Variants in AR observed in about 807,000 individuals in gnomAD.
AR encodes dihydrotestosterone receptor.
In AR, 8 loss-of-function variants were observed where a neutral mutation model predicts 53.9. The observed-to-expected ratio is 0.15, with a 90% CI of 0.09 to 0.27. The LOEUF (loss-of-function observed/expected upper bound fraction) is 0.27. AR is among the 10% of genes least tolerant of loss of function. AR has a pLI of 1.00. For synonymous variants in AR, 359 were observed against 316.4 expected (o/e 1.13, Z -1.43); for missense variants, 639 against 742.5 (o/e 0.86, Z 1.62).
In AR at chrX:67,711,652, G is replaced by A. The variant is rs1329380387; in HGVS notation, c.2136G>A (p.Gln712=). The part of the protein sequence containing the change: ...LSSLNELGER[Q]LVHVVKWAKA... Reference sequence around the variant, plus strand: ...GCCTCAATGAACTGGGAGAGAGACAGCTTGTACACGTGGTCAAGTGGGCCA... The same window carrying A: ...GCCTCAATGAACTGGGAGAGAGACAACTTGTACACGTGGTCAAGTGGGCCA... Residue 712 remains glutamine, a synonymous_variant, in exon 4 of 8, where the codon CAG becomes CAA. Coordinates refer to ENST00000374690, the MANE Select transcript of AR (RefSeq NM_000044.6). 4 of 1,207,534 alleles carry A rather than the reference G, an allele frequency of 3.3e-6. No individual in the cohort carries two copies. Among genetic ancestry groups the A allele is most frequent in the Non-Finnish European group, 4.5e-6 (4 of 892,992 alleles).
intron 1 of AR, among the ~76,000 whole-genome samples, chrX:67,572,107 A>C (rs752895007): frequency 1.1e-3 from 125 of 111,853 alleles, no homozygotes; most frequent in South Asian, 1.9e-3. Context: ...GGGAAAAAAT[A>C]AGAAAAAGAA....
At chrX:67,674,029 G>C (rs2075883455) in intron 2 of AR, among the ~76,000 whole-genome samples, 1 of 110,947 alleles carries the variant, frequency 9.0e-6, no homozygotes, top group Non-Finnish European at 1.9e-5. Context: ...CCCATGCTCA[G>C]TAATGCTGTG....
At chrX:67,557,869 C>T (rs1921125567) in intron 1 of AR, among the ~76,000 whole-genome samples, 1 of 112,406 alleles carries the variant, frequency 8.9e-6, no homozygotes, top group African/African-American at 3.2e-5. Context: ...CCCAATCACA[C>T]TGAAATATTA....
intron 2 of AR, among the ~76,000 whole-genome samples, chrX:67,651,697 AACC>A (rs1465841940): frequency 6.7e-4 from 75 of 111,854 alleles, no homozygotes; most frequent in African/African-American, 2.4e-3. Flanking sequence ...GTAACTGAGA[AACC>A]ACCAAGTATC....
At chrX:67,577,060 T>G (rs1179866392) in intron 1 of AR, among the ~76,000 whole-genome samples, 1 of 106,186 alleles carries the variant, frequency 9.4e-6, no homozygotes, top group Non-Finnish European at 2.0e-5. Context: ...AAAATCAATT[T>G]TGGAACAATT....
intron 1 of AR, among the ~76,000 whole-genome samples, chrX:67,626,323 C>T (rs906673991): frequency 3.7e-5 from 4 of 108,863 alleles, no homozygotes; most frequent in African/African-American, 1.3e-4. Context: ...TTAGCTCCCA[C>T]AAATTAGCTC....
intron 1 of AR, among the ~76,000 whole-genome samples, chrX:67,642,729 T>C (rs1925849937): frequency 8.9e-6 from 1 of 111,857 alleles, no homozygotes; most frequent in African/African-American, 3.2e-5. Flanking sequence ...TTTTATCCAT[T>C]ATCTGATTTA....
intron 2 of AR, among the ~76,000 whole-genome samples, chrX:67,667,034 G>A (rs143977337): frequency 0.013 from 1,436 of 110,686 alleles, 30 homozygotes; most frequent in African/African-American, 0.045. Context: ...TTTGTTGATC[G>A]AATCACTTGC....
intron 2 of AR, among the ~76,000 whole-genome samples, chrX:67,668,941 CT>C (rs1927403908): frequency 9.0e-6 from 1 of 111,332 alleles, no homozygotes; most frequent in Non-Finnish European, 1.9e-5. Flanking sequence ...TGAGCTTTCT[CT>C]TTTTTTCTTA....
At chrX:67,614,352 G>A (rs963609344) in intron 1 of AR, among the ~76,000 whole-genome samples, 7 of 111,277 alleles carry the variant, frequency 6.3e-5, no homozygotes, top group African/African-American at 2.3e-4. Context: ...TTATTTGTTG[G>A]ACTGAATAGA....
At chrX:67,723,312 C>CTCTGTGTGTG (rs1555997940) in intron 7 of AR, among the ~76,000 whole-genome samples, 3,440 of 77,959 alleles carry the variant, frequency 0.044, 251 homozygotes, top group African/African-American at 0.11. Flanking sequence ...GTTTGTCTGT[C>CTCTGTGTGTG]TGTGTGTGTG....
intron 1 of AR, among the ~76,000 whole-genome samples, chrX:67,639,482 C>T (rs1392583744): frequency 9.0e-6 from 1 of 111,561 alleles, no homozygotes; most frequent in East Asian, 2.8e-4. Context: ...TTTTTGTCTT[C>T]TCTTATTTCC....
At chrX:67,715,886 G>C (rs1218571874) in intron 4 of AR, among the ~76,000 whole-genome samples, 1 of 111,828 alleles carries the variant, frequency 8.9e-6, no homozygotes, top group Non-Finnish European at 1.9e-5. Context: ...GGTGAGAAGA[G>C]AGAGTGTTGG....
intron 4 of AR, among the ~76,000 whole-genome samples, chrX:67,717,169 A>T (rs1160369385): frequency 2.7e-5 from 3 of 112,335 alleles, no homozygotes; most frequent in East Asian, 2.8e-4. Flanking sequence ...TAGCAAAAGA[A>T]AAAAAGAGTT....
In AR at chrX:67,715,540, C is replaced by T. The variant is rs947362114; in HGVS notation, c.2174-1938C>T. 1.8e-4 allele frequency among the ~76,000 whole-genome samples: 20 copies of T among 111,600 alleles called. 1 individual carries two copies. The highest frequency in any genetic ancestry group is 5.9e-4 in the African/African-American group (18 of 30,672). On this transcript the variant is annotated intron_variant, in intron 4 of 7. Transcript: ENST00000374690. Reference sequence around the variant, plus strand: ...TGTCTGGATAATGTAGACTTCAGACCTGATCCTATGGCTGACAAAAGCTGG... The same window carrying T: ...TGTCTGGATAATGTAGACTTCAGACTTGATCCTATGGCTGACAAAAGCTGG...
intron 4 of AR, 131 bp downstream of exon 4, chrX:67,711,820 G>C: frequency 1.5e-6 from 1 of 685,540 alleles, no homozygotes; most frequent in Non-Finnish European, 2.1e-6. Flanking sequence ...CCCTGTGGGA[G>C]AGGGATTGTT....
intron 1 of AR, among the ~76,000 whole-genome samples, chrX:67,593,377 A>G (rs1922925793): frequency 9.8e-6 from 1 of 101,765 alleles, no homozygotes; most frequent in Non-Finnish European, 2.0e-5. Flanking sequence ...TTTTTTTGAG[A>G]CAGAGTCTTG....
At chrX:67,666,475 A>G (rs981732351) in intron 2 of AR, among the ~76,000 whole-genome samples, 2 of 111,922 alleles carry the variant, frequency 1.8e-5, no homozygotes, top group African/African-American at 6.5e-5. Flanking sequence ...GATAGACAAG[A>G]GTTGCTTCCA....
At chrX:67,592,126 C>A (rs925991000) in intron 1 of AR, among the ~76,000 whole-genome samples, 2 of 112,090 alleles carry the variant, frequency 1.8e-5, no homozygotes, top group Admixed American at 9.5e-5. Context: ...TGACTATCGG[C>A]CTCTTAATAA....
Sources: gnomAD v4.1 joint callset for allele counts (sites outside exome capture counted in the v4.1 genomes callset) on GRCh38, gnomAD v4.1.1 for gene constraint, MANE v1.5 for transcripts, NCBI Gene and HGNC (gene_info 2026-07-23, HGNC 2026-07-21) for gene names.